The following CRIM1 variants were observed in gnomAD, a reference collection of about 807,000 sequenced individuals.
CRIM1 encodes cysteine rich transmembrane BMP regulator 1.
Under a neutral mutation model 116.4 loss-of-function variants are expected in CRIM1, and 32 were observed. That is an observed-to-expected ratio of 0.27 (90% CI 0.21 to 0.37). The LOEUF (loss-of-function observed/expected upper bound fraction) is 0.37. CRIM1 is among the 10% of genes least tolerant of loss of function. CRIM1 has a pLI of 1.00. For synonymous variants in CRIM1, 590 were observed against 509.2 expected (o/e 1.16, Z -2.13); for missense variants, 1,331 against 1,354.8 (o/e 0.98, Z 0.28).
At chr2:36,448,385 C>T (rs1676413731) in intron 4 of CRIM1, among the ~76,000 whole-genome samples, 1 of 152,230 alleles carries the variant, frequency 6.6e-6, no homozygotes, top group South Asian at 2.1e-4. Context: ...GGCTATTTCT[C>T]AAGAAGATAG....
At chr2:36,473,071 C>T (rs925410122) in intron 5 of CRIM1, among the ~76,000 whole-genome samples, 2 of 152,324 alleles carry the variant, frequency 1.3e-5, no homozygotes, top group East Asian at 1.9e-4. Context: ...CTTTAAGTTT[C>T]ATCTTCATTA....
Position 36,513,419 on chromosome 2 carries a change from A to T in CRIM1, c.1781-137A>T, listed in dbSNP as rs1259608082. 7.4e-6 allele frequency: 5 copies of T among 671,586 alleles called. No individual in the cohort carries two copies. In the African/African-American group the frequency reaches 8.9e-5, roughly 12 times the overall value. The allele number at this position is 671,586 out of a possible 1,614,324, so 41.6% of individuals were successfully genotyped here. ...CATACTGACTTAAATTCTTTTCATG[A>T]ACATGTCCCATGTCACAAACTGTCC... is the stretch of plus-strand genomic sequence containing the variant. On this transcript the variant is annotated intron_variant, in intron 10 of 16. Transcript: ENST00000280527.
intron 12 of CRIM1, among the ~76,000 whole-genome samples, chr2:36,521,643 A>G (rs545576450): frequency 2.0e-5 from 3 of 152,222 alleles, no homozygotes; most frequent in Admixed American, 6.5e-5. Context: ...ATGGCAGAAC[A>G]TATCTACCCT....
chr2:36,457,957 T>A (rs1677275593), intron 4 of CRIM1, among the ~76,000 whole-genome samples: 1 of 152,164 alleles, frequency 6.6e-6, no homozygotes, highest in African/African-American at 2.4e-5. Flanking sequence ...CTTTGCCCTT[T>A]TTGCTCCTCA....
chr2:36,390,998 CAG>C (rs1260660653), intron 1 of CRIM1, among the ~76,000 whole-genome samples: 1 of 151,548 alleles, frequency 6.6e-6, no homozygotes, highest in African/African-American at 2.4e-5. Context: ...TTTGTAGAGA[CAG>C]GGTTTCGTCA....
At chr2:36,357,396 T>C (rs1308245179) in intron 1 of CRIM1, among the ~76,000 whole-genome samples, 2 of 152,146 alleles carry the variant, frequency 1.3e-5, no homozygotes. Context: ...CTCCTTTTTG[T>C]TTGTTTGACA....
At chr2:36,419,056 TA>T (rs1438502981) in intron 2 of CRIM1, among the ~76,000 whole-genome samples, 6 of 152,206 alleles carry the variant, frequency 3.9e-5, no homozygotes, top group African/African-American at 1.4e-4. Flanking sequence ...ATCCCTGTAA[TA>T]AATATAAGTG....
At chr2:36,387,216 A>C (rs768237027) in intron 1 of CRIM1, among the ~76,000 whole-genome samples, 5 of 152,248 alleles carry the variant, frequency 3.3e-5, no homozygotes, top group African/African-American at 4.8e-5. Flanking sequence ...CCAGGTATGT[A>C]AGAGACAGCT....
chr2:36,482,980 C>A (rs1679533817), intron 7 of CRIM1, among the ~76,000 whole-genome samples: 1 of 152,184 alleles, frequency 6.6e-6, no homozygotes, highest in Non-Finnish European at 1.5e-5. Flanking sequence ...AAAGACTAGG[C>A]TGTTACTTGA....
In CRIM1 at chr2:36,464,602, C is replaced by T; in HGVS notation, c.938C>T (p.Ser313Phe). The T allele has an allele frequency of 1.2e-6, 2 of 1,614,158 alleles. No homozygotes were observed. Among genetic ancestry groups the T allele is most frequent in the Non-Finnish European group, 1.7e-6 (2 of 1,180,022 alleles). ...GTGGGATCCACTCCCCGCATAGTCT[C>T]TCGTGGCGATGGGACACCTGGAAAG... ...CEVGSTPRIVSRGDGTPGKCC... is the reference protein window; with the variant it reads ...CEVGSTPRIVFRGDGTPGKCC... The change falls in exon 5 of 17, where the codon TCT (serine) becomes TTT (phenylalanine). Residue 313 changes from serine to phenylalanine, a missense_variant. Coordinates refer to ENST00000280527, the MANE Select transcript of CRIM1 (RefSeq NM_016441.3).
At chr2:36,485,075 A>T (rs557919755) in intron 7 of CRIM1, among the ~76,000 whole-genome samples, 1 of 152,228 alleles carries the variant, frequency 6.6e-6, no homozygotes, top group Non-Finnish European at 1.5e-5. Context: ...CAGACATATT[A>T]TCAGATACCC....
chr2:36,515,350 G>A (rs1195821847), intron 11 of CRIM1, among the ~76,000 whole-genome samples: 5 of 152,210 alleles, frequency 3.3e-5, no homozygotes, highest in Admixed American at 1.3e-4. Context: ...ACGTGAAGTT[G>A]TTGTTGATAC....
chr2:36,528,817 A>G (rs1330493831), intron 13 of CRIM1, among the ~76,000 whole-genome samples: 3 of 152,216 alleles, frequency 2.0e-5, no homozygotes, highest in Non-Finnish European at 4.4e-5. Context: ...TAACTTTGGA[A>G]CTGGTCTAAA....
intron 2 of CRIM1, among the ~76,000 whole-genome samples, chr2:36,405,492 A>G (rs1417952994): frequency 6.6e-6 from 1 of 152,186 alleles, no homozygotes; most frequent in Non-Finnish European, 1.5e-5. Context: ...CAAACTTGAG[A>G]GAGCTTGATG....
chr2:36,359,653 G>A (rs1308332097), intron 1 of CRIM1, among the ~76,000 whole-genome samples: 1 of 152,196 alleles, frequency 6.6e-6, no homozygotes, highest in East Asian at 1.9e-4. Context: ...GTTGTGTCCT[G>A]TGCACCATGT....
intron 12 of CRIM1, among the ~76,000 whole-genome samples, chr2:36,518,671 A>G (rs1323968739): frequency 1.3e-5 from 2 of 152,204 alleles, no homozygotes; most frequent in African/African-American, 2.4e-5. Context: ...CTAGTATAAG[A>G]AATAGTTCAT....
intron 16 of CRIM1, 57 bp from the exon 17 acceptor site, chr2:36,548,464 CATTT>C: frequency 3.8e-6 from 5 of 1,302,022 alleles, no homozygotes; most frequent in Non-Finnish European, 5.3e-6. Flanking sequence ...AATTTCTGTT[CATTT>C]GAGATAATGT....
chr2:36,447,238 A>T (rs566960189), intron 4 of CRIM1, among the ~76,000 whole-genome samples: 1 of 152,150 alleles, frequency 6.6e-6, no homozygotes, highest in African/African-American at 2.4e-5. Flanking sequence ...CAGGTTTTTT[A>T]ATTTTTTTTT....
chr2:36,363,856 G>T (rs1212781290), intron 1 of CRIM1, among the ~76,000 whole-genome samples: 1 of 152,140 alleles, frequency 6.6e-6, no homozygotes, highest in African/African-American at 2.4e-5. Flanking sequence ...CGCCATGGGG[G>T]CTATGGTTCC....
Sources: gnomAD v4.1 joint callset for allele counts (sites outside exome capture counted in the v4.1 genomes callset) on GRCh38, gnomAD v4.1.1 for gene constraint, MANE v1.5 for transcripts, NCBI Gene and HGNC (gene_info 2026-07-23, HGNC 2026-07-21) for gene names.